The following NECTIN2 variants were observed in gnomAD, a reference collection of about 807,000 sequenced individuals.
NECTIN2 encodes the protein nectin cell adhesion molecule 2.
A neutral mutation model predicts 56.9 loss-of-function variants in NECTIN2; 23 were observed. The ratio of observed to expected loss-of-function variants is 0.40; its 90% CI spans 0.29 to 0.57. The LOEUF (loss-of-function observed/expected upper bound fraction) is 0.57. NECTIN2 is among the 20% of genes least tolerant of loss of function. NECTIN2 has a pLI of 0.38. For synonymous variants in NECTIN2, 302 were observed against 313.8 expected (o/e 0.96, Z 0.40); for missense variants, 587 against 718.3 (o/e 0.82, Z 2.09).
chr19:44,870,749 G>A (rs1380870785), intron 2 of NECTIN2, among the ~76,000 whole-genome samples: 1 of 95,428 alleles, frequency 1.0e-5, no homozygotes, highest in African/African-American at 4.0e-5. Context: ...TTTTTCTTTT[G>A]GAGACAGAGT....
chr19:44,857,319 A>G (rs575697677), intron 1 of NECTIN2, among the ~76,000 whole-genome samples: 15 of 145,348 alleles, frequency 1.0e-4, no homozygotes, highest in South Asian at 4.3e-4. Flanking sequence ...CTGCAGCGTC[A>G]GTTTCTCGGG....
intron 1 of NECTIN2, among the ~76,000 whole-genome samples, chr19:44,852,046 C>T (rs1034144267): frequency 2.6e-5 from 4 of 152,156 alleles, no homozygotes; most frequent in Admixed American, 6.6e-5. Flanking sequence ...TCCGTCCCCA[C>T]AGCCCCGACC....
chr19:44,852,876 A>G (rs1680459080), intron 1 of NECTIN2, among the ~76,000 whole-genome samples: 1 of 152,186 alleles, frequency 6.6e-6, no homozygotes, highest in Non-Finnish European at 1.5e-5. Context: ...AGGCCAAGGC[A>G]AGAGGATCGC....
Position 44,888,399 on chromosome 19 carries a change from C to G in NECTIN2, c.*20C>G. ...GTGTGAGCTGCCATGCGCCTGGCGT[C>G]TCACATCTCACCTGTTGATCCCTTA... On this transcript the variant is annotated 3_prime_UTR_variant, in exon 9 of 9. Transcript: ENST00000252483. 1.9e-6 allele frequency: 3 copies of G among 1,602,270 alleles called. No homozygotes were observed. The highest frequency in any genetic ancestry group is 2.6e-6 in the Non-Finnish European group (3 of 1,171,048).
chr19:44,852,881 G>A (rs1055487584), intron 1 of NECTIN2, among the ~76,000 whole-genome samples: 3 of 152,154 alleles, frequency 2.0e-5, no homozygotes, highest in African/African-American at 2.4e-5. Context: ...AAGGCAAGAG[G>A]ATCGCTTTAG....
chr19:44,882,466 G>A (rs1568599837), intron 6 of NECTIN2, 102 bp downstream of exon 6: 1 of 1,124,370 alleles, frequency 8.9e-7, no homozygotes, highest in East Asian at 3.2e-5. Flanking sequence ...ATGGCTGTGT[G>A]AAACAGACAG....
At chr19:44,853,779 G>A (rs1402544395) in intron 1 of NECTIN2, among the ~76,000 whole-genome samples, 2 of 152,170 alleles carry the variant, frequency 1.3e-5, no homozygotes, top group Non-Finnish European at 2.9e-5. Flanking sequence ...GAGCCATTGC[G>A]CCCAGGGATT....
intron 5 of NECTIN2, chr19:44,878,266 G>A: frequency 9.7e-7 from 1 of 1,033,844 alleles, no homozygotes; most frequent in Admixed American, 2.1e-5. Flanking sequence ...CGCTGGTGTG[G>A]GGGGCCGTGG....
chr19:44,851,291 CA>C (rs1968897185), intron 1 of NECTIN2, among the ~76,000 whole-genome samples: 1 of 150,132 alleles, frequency 6.7e-6, no homozygotes, highest in Non-Finnish European at 1.5e-5. Flanking sequence ...CCTCCTCCCT[CA>C]GACCCAGGGG....
At chr19:44,868,477 T>G (rs1054215555) in intron 2 of NECTIN2, among the ~76,000 whole-genome samples, 38 of 149,660 alleles carry the variant, frequency 2.5e-4, no homozygotes, top group Admixed American at 9.9e-4. Flanking sequence ...TTTTTTTTTT[T>G]TTTTCTTTTT....
chr19:44,888,039 C>T, intron 8 of NECTIN2, 71 bp from the exon 9 acceptor site: 1 of 1,528,806 alleles, frequency 6.5e-7, no homozygotes, highest in Non-Finnish European at 8.9e-7. Flanking sequence ...ATTTTGGGGT[C>T]AAGAGCAGAT....
chr19:44,852,816 G>A (rs190095963), intron 1 of NECTIN2, among the ~76,000 whole-genome samples: 14 of 152,256 alleles, frequency 9.2e-5, no homozygotes, highest in Admixed American at 4.6e-4. Flanking sequence ...CTTAAAAATG[G>A]ACTGTAGGCA....
At chr19:44,872,295 G>T (rs1969184885) in intron 3 of NECTIN2, 146 bp downstream of exon 3, 1 of 806,358 alleles carries the variant, frequency 1.2e-6, no homozygotes, top group African/African-American at 1.7e-5. Flanking sequence ...GTCTACACTG[G>T]CTCCCATGGG....
chr19:44,870,088 C>T (rs1969154855), intron 2 of NECTIN2, among the ~76,000 whole-genome samples: 1 of 152,164 alleles, frequency 6.6e-6, no homozygotes, highest in Non-Finnish European at 1.5e-5. Flanking sequence ...CCAGAGTCGG[C>T]GGTCAGGAAA....
intron 8 of NECTIN2, 44 bp downstream of exon 8, chr19:44,886,263 T>G (rs1042921994): frequency 2.3e-5 from 35 of 1,516,668 alleles, no homozygotes; most frequent in Non-Finnish European, 2.9e-5. Context: ...GGGTCTGGGT[T>G]GAAGGGCCAG....
intron 6 of NECTIN2, among the ~76,000 whole-genome samples, chr19:44,885,325 TTTTTAA>T (rs946969038): frequency 7.5e-6 from 1 of 132,604 alleles, no homozygotes; most frequent in African/African-American, 2.9e-5. Context: ...TTTTTTTTTT[TTTTTAA>T]TTTGAGATGG....
chr19:44,886,173 C>T lies in NECTIN2; in HGVS notation c.1301C>T (p.Pro434Leu), dbSNP rs1568601300. The change falls in exon 8 of 9, where the codon CCA (proline) becomes CTA (leucine). Residue 434 changes from proline to leucine, a missense_variant. By Grantham distance (98) the Pro-to-Leu change is moderately conservative (BLOSUM62 -3). Coordinates refer to ENST00000252483, the MANE Select transcript of NECTIN2 (RefSeq NM_001042724.2). ...LFTLGASEHS[P>L]LKTPYFDAGA... ...ACTCTGGGGGCCTCGGAGCACAGCC[C>T]ACTCAAGACCCCCTACTTTGATGCT... 1.2e-6 allele frequency: 2 copies of T among 1,612,908 alleles called. No individual in the cohort carries two copies. Among genetic ancestry groups the T allele is most frequent in the African/African-American group, 2.7e-5 (2 of 74,900 alleles).
intron 5 of NECTIN2, chr19:44,878,219 T>C: frequency 1.5e-6 from 1 of 665,886 alleles, no homozygotes; most frequent in Non-Finnish European, 2.7e-6. Context: ...CTCTCTCTCC[T>C]CAGAAACCCC....
chr19:44,886,060 A>C, intron 7 of NECTIN2, 60 bp downstream of exon 7: 1 of 1,569,508 alleles, frequency 6.4e-7, no homozygotes, highest in Non-Finnish European at 8.8e-7. Flanking sequence ...CAGGGCTGGG[A>C]GGGGCCTGGC....
Sources: gnomAD v4.1 joint callset for allele counts (sites outside exome capture counted in the v4.1 genomes callset) on GRCh38, gnomAD v4.1.1 for gene constraint, MANE v1.5 for transcripts, NCBI Gene and HGNC (gene_info 2026-07-23, HGNC 2026-07-21) for gene names.